STAG1: variants seen among roughly 807,000 people sequenced by gnomAD.
STAG1 encodes STAG1 cohesin complex component.
Under a neutral mutation model 170.9 loss-of-function variants are expected in STAG1, and 26 were observed. The observed-to-expected ratio is 0.15, with a 90% confidence interval of 0.11 to 0.21. The LOEUF is 0.21. STAG1 is among the 10% of genes least tolerant of loss of function. The pLI, the probability that STAG1 is intolerant of heterozygous loss-of-function variation, is 1.00. For missense variants in STAG1, 964 were observed against 1,509.5 expected (o/e 0.64, Z 5.99); for synonymous variants, 514 against 497.7 (o/e 1.03, Z -0.44).
chr3:136,702,115 GAGAGAGACAGAGAGACAGAGAGAC>G (rs1213400411), intron 1 of STAG1, among the ~76,000 whole-genome samples: 66 of 66,382 alleles, frequency 9.9e-4, no homozygotes, highest in Middle Eastern at 8.2e-3. Context: ...GAGAGAGAGA[GAGAGAGACAGAGAGACAGAGAGAC>G]AGAGAGACAG....
At chr3:136,692,743 G>A (rs1043166280) in intron 1 of STAG1, among the ~76,000 whole-genome samples, 2 of 152,098 alleles carry the variant, frequency 1.3e-5, no homozygotes, top group Admixed American at 1.3e-4. Context: ...TTAATTGGGA[G>A]AATAGAAGTC....
chr3:136,735,148 G>A (rs760429111), intron 1 of STAG1, among the ~76,000 whole-genome samples: 2 of 150,758 alleles, frequency 1.3e-5, no homozygotes, highest in Non-Finnish European at 2.9e-5. Flanking sequence ...ATGGACTTCC[G>A]CTCTTGTTGC....
chr3:136,611,308 C>T (rs1939264319), intron 3 of STAG1, among the ~76,000 whole-genome samples: 1 of 151,984 alleles, frequency 6.6e-6, no homozygotes, highest in East Asian at 1.9e-4. Context: ...CGCCACCATG[C>T]CCGGCTAATT....
chr3:136,552,201 T>C (rs1208485763), intron 5 of STAG1, among the ~76,000 whole-genome samples: 3 of 152,224 alleles, frequency 2.0e-5, no homozygotes, highest in Non-Finnish European at 4.4e-5. Flanking sequence ...AAAGCAGAAA[T>C]TACATTACAA....
intron 2 of STAG1, among the ~76,000 whole-genome samples, chr3:136,623,791 C>G (rs1262529885): frequency 2.0e-5 from 3 of 151,848 alleles, no homozygotes; most frequent in Non-Finnish European, 4.4e-5. Context: ...CCCATCAGTA[C>G]TAAAAGTACA....
chr3:136,636,141 G>A (rs1283894856), intron 1 of STAG1, among the ~76,000 whole-genome samples: 8 of 152,036 alleles, frequency 5.3e-5, no homozygotes, highest in South Asian at 2.1e-4. Context: ...CCAGCTACTC[G>A]GGAGGCTGAG....
chr3:136,581,054 A>C (rs1459252699), intron 4 of STAG1, among the ~76,000 whole-genome samples: 1 of 151,478 alleles, frequency 6.6e-6, no homozygotes, highest in East Asian at 2.0e-4. Flanking sequence ...AGGTCTCATT[A>C]TGTTGTCCAA....
intron 7 of STAG1, among the ~76,000 whole-genome samples, chr3:136,503,788 T>G (rs1933612980): frequency 6.6e-6 from 1 of 151,984 alleles, no homozygotes; most frequent in South Asian, 2.1e-4. Flanking sequence ...CAGGCTGGAG[T>G]GCAATGGCGC....
At chr3:136,667,894 G>T (rs888586389) in intron 1 of STAG1, among the ~76,000 whole-genome samples, 4 of 152,004 alleles carry the variant, frequency 2.6e-5, no homozygotes, top group African/African-American at 9.7e-5. Flanking sequence ...AGGTTCTCTA[G>T]AAAGTAGACC....
At chr3:136,385,131 T>C (rs2086836679) in intron 22 of STAG1, among the ~76,000 whole-genome samples, 1 of 152,206 alleles carries the variant, frequency 6.6e-6, no homozygotes, top group South Asian at 2.1e-4. Context: ...TTATCTTATT[T>C]TTAGAAAGCA....
intron 5 of STAG1, among the ~76,000 whole-genome samples, chr3:136,559,264 T>A (rs1296928496): frequency 6.6e-6 from 1 of 152,184 alleles, no homozygotes; most frequent in African/African-American, 2.4e-5. Flanking sequence ...AAGCACTTGT[T>A]AGTTTCTATC....
intron 5 of STAG1, among the ~76,000 whole-genome samples, chr3:136,551,710 ACCTCCCACCCAG>A (rs2107739371): frequency 6.6e-6 from 1 of 151,132 alleles, no homozygotes; most frequent in East Asian, 1.9e-4. Context: ...CCTCTTGGCC[ACCTCCCACCCAG>A]CCTCCCAAGC....
intron 14 of STAG1, 44 bp downstream of exon 14, chr3:136,451,989 A>T (rs764986005): frequency 2.3e-5 from 28 of 1,221,316 alleles, no homozygotes; most frequent in African/African-American, 4.7e-5. Flanking sequence ...TTTAAAATGT[A>T]ATATAATAAA....
At chr3:136,507,231 A>G (rs1360010523) in intron 7 of STAG1, among the ~76,000 whole-genome samples, 1 of 152,174 alleles carries the variant, frequency 6.6e-6, no homozygotes, top group Non-Finnish European at 1.5e-5. Context: ...CTGAATGTGT[A>G]TTTGCTATTA....
At chr3:136,585,483 G>A (rs942523717) in intron 4 of STAG1, among the ~76,000 whole-genome samples, 3 of 151,854 alleles carry the variant, frequency 2.0e-5, no homozygotes, top group African/African-American at 7.3e-5. Context: ...TCTGGGCATG[G>A]TGGCCTGTAA....
chr3:136,435,810 C>T (rs1416780668), intron 15 of STAG1, among the ~76,000 whole-genome samples: 1 of 151,966 alleles, frequency 6.6e-6, no homozygotes, highest in Non-Finnish European at 1.5e-5. Context: ...GCTGGGATTA[C>T]AGGTGGCTGC....
Position 136,537,546 on chromosome 3 carries a change from G to A in STAG1, c.471+4573C>T, listed in dbSNP as rs575081837. Among the ~76,000 whole-genome samples, 5 of 149,526 alleles carry A rather than the reference G, an allele frequency of 3.3e-5. No individual in the cohort carries two copies. In the South Asian group the frequency reaches 1.1e-3, roughly 32 times the overall value. ...GGTGAAGTCTCACTCCATTGCCCAG[G>A]CTGGAGTGTGGTGGCGTGATCTCGG... On this transcript the variant is annotated intron_variant, in intron 6 of 33. Coordinates refer to ENST00000383202, the MANE Select transcript of STAG1 (RefSeq NM_005862.3).
chr3:136,735,119 C>A (rs1204883748), intron 1 of STAG1, among the ~76,000 whole-genome samples: 1 of 152,006 alleles, frequency 6.6e-6, no homozygotes, highest in Non-Finnish European at 1.5e-5. Flanking sequence ...TCCCTCCTTA[C>A]TCCCTTTTTT....
chr3:136,425,059 C>T (rs1333739038), intron 16 of STAG1, among the ~76,000 whole-genome samples: 2 of 151,918 alleles, frequency 1.3e-5, no homozygotes, highest in African/African-American at 2.4e-5. Context: ...AGGATGATCT[C>T]GATCTCCCGA....
Sources: gnomAD v4.1 joint callset for allele counts (sites outside exome capture counted in the v4.1 genomes callset) on GRCh38, gnomAD v4.1.1 for gene constraint, MANE v1.5 for transcripts, NCBI Gene and HGNC (gene_info 2026-07-23, HGNC 2026-07-21) for gene names.